ADAMTSL1: variants seen among roughly 807,000 people sequenced by gnomAD.
ADAMTSL1 encodes ADAMTS-like protein 1.
In ADAMTSL1, 126 loss-of-function variants were observed where a neutral mutation model predicts 201.8. The observed-to-expected ratio is 0.62, with a 90% confidence interval of 0.54 to 0.72. The LOEUF is 0.72. Ranked by LOEUF, ADAMTSL1 falls within the 30% of genes least tolerant of loss-of-function variation. The pLI is 0.00. For missense variants in ADAMTSL1, 2,679 were observed against 2,277.8 expected (o/e 1.18, Z -3.59); for synonymous variants, 1,121 against 903.4 (o/e 1.24, Z -4.32).
intron 2 of ADAMTSL1, among the ~76,000 whole-genome samples, chr9:18,286,669 A>G (rs1254338701): frequency 1.1e-5 from 1 of 90,430 alleles, no homozygotes; most frequent in Non-Finnish European, 2.6e-5. Context: ...TAAATTCCCT[A>G]GAGTTATCAA....
At chr9:17,984,934 G>A (rs542945167) in intron 1 of ADAMTSL1, among the ~76,000 whole-genome samples, 25 of 152,130 alleles carry the variant, frequency 1.6e-4, no homozygotes, top group Non-Finnish European at 2.9e-4. Flanking sequence ...TTTTTGCTTC[G>A]TAATATCATA....
chr9:18,565,568 G>GAAA (rs11339613), intron 3 of ADAMTSL1, among the ~76,000 whole-genome samples: 2 of 106,762 alleles, frequency 1.9e-5, no homozygotes, highest in Non-Finnish European at 4.0e-5. Context: ...TCCTAGTTAT[G>GAAA]AAAAAAAAAA....
chr9:18,701,457 C>T (rs527924176), intron 13 of ADAMTSL1, among the ~76,000 whole-genome samples: 10 of 152,200 alleles, frequency 6.6e-5, no homozygotes, highest in East Asian at 1.9e-4. Flanking sequence ...TGACTTCAGG[C>T]GATCCGCCCA....
chr9:18,496,670 C>T (rs573620757), intron 1 of ADAMTSL1, among the ~76,000 whole-genome samples: 83 of 152,330 alleles, frequency 5.4e-4, no homozygotes, highest in African/African-American at 1.9e-3. Context: ...AATCTATTAA[C>T]GTTCCAGTTT....
At chr9:18,745,879 A>AT in intron 15 of ADAMTSL1, among the ~76,000 whole-genome samples, 1 of 152,122 alleles carries the variant, frequency 6.6e-6, no homozygotes. Context: ...CTCCCTGAAT[A>AT]TTTGACTCCC....
At position 18,712,344 on chromosome 9, in the gene ADAMTSL1, C is replaced by G. The variant is rs143344542; in HGVS notation, c.1876+5296C>G. Among the ~76,000 whole-genome samples, 735 of 152,054 alleles carry G rather than the reference C, an allele frequency of 4.8e-3. 3 individuals are homozygous for G. The highest frequency in any genetic ancestry group is 0.017 in the African/African-American group (696 of 41,440). The stretch of plus-strand genomic sequence containing the variant: ...AAACCAAAGGCAAAGAAGTTGAAAA[C>G]TTTGAAAAAAGATTTAGAAGAATGT... On this transcript the variant is annotated intron_variant, in intron 14 of 28. Transcript: ENST00000380548.
chr9:18,073,624 C>T (rs776787244), intron 1 of ADAMTSL1, among the ~76,000 whole-genome samples: 1 of 152,146 alleles, frequency 6.6e-6, no homozygotes, highest in Non-Finnish European at 1.5e-5. Flanking sequence ...AATATGAACA[C>T]TTTCACGTAT....
chr9:18,058,644 T>C (rs768815228), intron 1 of ADAMTSL1, among the ~76,000 whole-genome samples: 4 of 152,100 alleles, frequency 2.6e-5, no homozygotes, highest in African/African-American at 9.7e-5. Flanking sequence ...ATCCCATACT[T>C]TTGACCCATG....
chr9:18,527,375 G>A (rs563913460), intron 2 of ADAMTSL1, among the ~76,000 whole-genome samples: 1 of 152,176 alleles, frequency 6.6e-6, no homozygotes, highest in African/African-American at 2.4e-5. Flanking sequence ...TTGAAACAAT[G>A]TATTGACATC....
chr9:18,826,417 C>G lies in ADAMTSL1; in HGVS notation c.4068C>G (p.Ala1356=), dbSNP rs746500512. The G allele has an allele frequency of 1.2e-6, 2 of 1,613,830 alleles. No individual in the cohort carries two copies. Among genetic ancestry groups the G allele is most frequent in the Non-Finnish European group, 1.7e-6 (2 of 1,179,848 alleles). ...SDQGLYSCRA[A]NLHGELTEST... ...AGGGCCTGTACTCCTGCAGGGCGGC[C>G]AATCTTCATGGAGAGCTGACTGAGA... Residue 1356 remains alanine, a synonymous_variant, in exon 22 of 29, where the codon GCC becomes GCG. Coordinates refer to ENST00000380548, the MANE Select transcript of ADAMTSL1 (RefSeq NM_001040272.6).
rs192531665 is a variant in ADAMTSL1, at chr9:18,130,827, A to G, written c.88-33035A>G. Among the ~76,000 whole-genome samples the G allele has an allele frequency of 7.1e-4, 108 of 152,234 alleles. 1 individual carries two copies. Among genetic ancestry groups the G allele is most frequent in the African/African-American group, 2.5e-3 (105 of 41,532 alleles). ...TTCTCTGCTACAGCCTTAGAACATG[A>G]GCAGACACAGCACAAAAACAGGGCA... On this transcript the variant is annotated intron_variant, in intron 1 of 29. Coordinates refer to the ADAMTSL1 transcript ENST00000680146.
At chr9:18,364,377 G>T (rs1836670681) in intron 2 of ADAMTSL1, among the ~76,000 whole-genome samples, 1 of 152,034 alleles carries the variant, frequency 6.6e-6, no homozygotes, top group Admixed American at 6.6e-5. Context: ...AAACTCAGGC[G>T]ACAATTTTGG....
At chr9:18,839,995 A>C (rs36130819) in intron 23 of ADAMTSL1, among the ~76,000 whole-genome samples, 18 of 150,210 alleles carry the variant, frequency 1.2e-4, no homozygotes, top group East Asian at 1.2e-3. Flanking sequence ...TGCCTGTTCA[A>C]TCTGATGGTA....
At position 18,892,613 on chromosome 9, in the gene ADAMTSL1, G is replaced by C; in HGVS notation, c.4851+17G>C. The C allele has an allele frequency of 6.5e-7, 1 of 1,550,180 alleles. No individual in the cohort carries two copies. The highest frequency in any genetic ancestry group is 8.7e-7 in the Non-Finnish European group (1 of 1,146,626). ...TGGGGCCAGGTGAGGAGCCAGAGAG[G>C]TTGTTATTTGAAAGCTAAATCTAAA... On this transcript the variant is annotated intron_variant, in intron 26 of 28. Transcript: ENST00000380548.
Position 18,657,672 on chromosome 9 carries a change from C to T in ADAMTSL1, c.868C>T (p.Gln290Ter). The T allele has an allele frequency of 6.2e-7, 1 of 1,614,214 alleles. No homozygotes were observed. ...CTCGGGCTCCGCTGACAGTACAGTC[C>T]AGTTCATCTTCTATCAACCCATCAT... Reference protein sequence around the residue: ...RNSGSADSTVQFIFYQPIIHR... With the variant: ...RNSGSADSTV The change falls in exon 8 of 29, where the codon CAG becomes TAG. Residue 290 changes from glutamine (Q) to a stop codon, truncating the protein, a stop_gained. Coordinates refer to ENST00000380548, the MANE Select transcript of ADAMTSL1 (RefSeq NM_001040272.6). LOFTEE classifies it high-confidence loss of function.
chr9:18,868,826 T>C (rs1827704072), intron 23 of ADAMTSL1, among the ~76,000 whole-genome samples: 1 of 152,196 alleles, frequency 6.6e-6, no homozygotes, highest in Non-Finnish European at 1.5e-5. Context: ...CAAACTCTCT[T>C]CTTTGTCTCA....
chr9:18,344,279 C>G (rs1255458343), intron 2 of ADAMTSL1, among the ~76,000 whole-genome samples: 1 of 151,814 alleles, frequency 6.6e-6, no homozygotes, highest in African/African-American at 2.4e-5. Context: ...AAGGAGTAAC[C>G]TTTTCCTTTT....
At chr9:18,540,411 T>C (rs1820057183) in intron 3 of ADAMTSL1, among the ~76,000 whole-genome samples, 1 of 152,180 alleles carries the variant, frequency 6.6e-6, no homozygotes, top group Non-Finnish European at 1.5e-5. Context: ...GACACAGGGA[T>C]GGAGGGTTGC....
chr9:18,416,712 T>A (rs1818692031), intron 2 of ADAMTSL1, among the ~76,000 whole-genome samples: 1 of 151,996 alleles, frequency 6.6e-6, no homozygotes. Flanking sequence ...GAGGAGTCAA[T>A]ACATTAGGAG....
Sources: gnomAD v4.1 joint callset for allele counts (sites outside exome capture counted in the v4.1 genomes callset) on GRCh38, gnomAD v4.1.1 for gene constraint, MANE v1.5 for transcripts, NCBI Gene and HGNC (gene_info 2026-07-23, HGNC 2026-07-21) for gene names.